The following SYCP2 variants were observed in gnomAD, a reference collection of about 807,000 sequenced individuals.
SYCP2 encodes the protein synaptonemal complex protein 2.
SYCP2 carries 55 observed loss-of-function variants against 211.3 expected under a neutral mutation model. The ratio of observed to expected loss-of-function variants is 0.26; its 90% CI spans 0.21 to 0.33. The LOEUF is 0.33. SYCP2 is among the 10% of genes least tolerant of loss of function. SYCP2 has a pLI of 1.00. For synonymous variants in SYCP2, 570 were observed against 555.2 expected (o/e 1.03, Z -0.37); for missense variants, 1,731 against 1,752.0 (o/e 0.99, Z 0.21).
intron 15 of SYCP2, among the ~76,000 whole-genome samples, chr20:59,906,426 A>G (rs1000994510): frequency 1.3e-5 from 2 of 152,136 alleles, no homozygotes; most frequent in African/African-American, 4.8e-5. Flanking sequence ...TTTTCAACAA[A>G]GAAACCAAAG....
At chr20:59,908,259 GAAC>G (rs2060249045) in intron 14 of SYCP2, among the ~76,000 whole-genome samples, 1 of 151,774 alleles carries the variant, frequency 6.6e-6, no homozygotes, top group Admixed American at 6.6e-5. Flanking sequence ...AAACAAAACA[GAAC>G]AAAACACAAA....
At chr20:59,906,001 T>A (rs1382716584) in intron 15 of SYCP2, among the ~76,000 whole-genome samples, 1 of 152,068 alleles carries the variant, frequency 6.6e-6, no homozygotes, top group Admixed American at 6.6e-5. Context: ...TATAAACATA[T>A]AGACTGAATA....
intron 2 of SYCP2, among the ~76,000 whole-genome samples, chr20:59,928,026 G>C (rs954863542): frequency 6.6e-6 from 1 of 152,188 alleles, no homozygotes; most frequent in Non-Finnish European, 1.5e-5. Flanking sequence ...GCCTTGGGCA[G>C]TAAGTTTGCT....
In SYCP2 at chr20:59,920,599, G is replaced by C. The variant is rs2060523204; in HGVS notation, c.169-112C>G. On this transcript the variant is annotated intron_variant, in intron 4 of 44. Transcript: ENST00000357552. ...TAATCTTCACAAATCCTGAAAGATG[G>C]TCATTTTAATCATCTCTATATTGCA... 4 of 900,370 alleles carry C rather than the reference G, an allele frequency of 4.4e-6. No individual in the cohort carries two copies. In the South Asian group the frequency reaches 7.0e-5, roughly 16 times the overall value. 55.8% of individuals were successfully genotyped at this position (900,370 alleles called of 1,614,324 possible). A position where few individuals can be genotyped will look rare whatever the true frequency, so the allele number is the denominator to read the frequency against.
At chr20:59,912,947 C>T (rs1186986034) in intron 12 of SYCP2, among the ~76,000 whole-genome samples, 2 of 152,202 alleles carry the variant, frequency 1.3e-5, no homozygotes, top group African/African-American at 4.8e-5. Flanking sequence ...GATAGTGAGG[C>T]TTCCCCAGCC....
intron 36 of SYCP2, among the ~76,000 whole-genome samples, chr20:59,869,286 T>A (rs1034248832): frequency 1.1e-4 from 17 of 151,974 alleles, no homozygotes; most frequent in Admixed American, 1.1e-3. Context: ...TTATACTATT[T>A]GAATATACAG....
chr20:59,893,074 A>G (rs1716959724), intron 22 of SYCP2, 68 bp downstream of exon 22: 8 of 1,104,350 alleles, frequency 7.2e-6, no homozygotes. Flanking sequence ...TTTTCCTCCA[A>G]ATCTGTTACA....
Position 59,877,434 on chromosome 20 carries a change from T to A in SYCP2, c.3101A>T (p.Glu1034Val), listed in dbSNP as rs1458997388. The A allele has an allele frequency of 1.9e-6, 3 of 1,601,800 alleles. No homozygotes were observed. The highest frequency in any genetic ancestry group is 2.5e-6 in the Non-Finnish European group (3 of 1,176,906). ...NYKDLSNSES[E>V]CEQEFSHSFK... ...TGAATGTGAAAATTCTTGTTCACAC[T>A]CTGATTCTGAATTTGAGAGATCTTT... The change falls in exon 33 of 45, where the codon GAG becomes GTG. Residue 1034 changes from glutamate (E) to valine (V), a missense_variant. Transcript: ENST00000357552.
chr20:59,884,899 A>C (rs2145694210), intron 26 of SYCP2, among the ~76,000 whole-genome samples: 1 of 151,992 alleles, frequency 6.6e-6, no homozygotes, highest in South Asian at 2.1e-4. Context: ...ATAAAAATTT[A>C]AAAGGTACCA....
intron 26 of SYCP2, chr20:59,885,091 G>A (rs2059760650): frequency 6.6e-6 from 1 of 151,902 alleles, no homozygotes; most frequent in African/African-American, 2.4e-5. Context: ...AGAATACTTA[G>A]GAAAGACTTA....
chr20:59,865,779 TTA>T (rs777564694), intron 42 of SYCP2, 26 bp downstream of exon 42: 2 of 1,246,986 alleles, frequency 1.6e-6, no homozygotes, highest in South Asian at 2.1e-5. Context: ...ATTTTATAGA[TTA>T]TAGCCATTAA....
intron 7 of SYCP2, among the ~76,000 whole-genome samples, chr20:59,918,463 T>C (rs952623458): frequency 1.3e-5 from 2 of 152,202 alleles, no homozygotes; most frequent in Non-Finnish European, 2.9e-5. Context: ...AGCAGTGTTT[T>C]TGGGCTTTGT....
Position 59,869,895 on chromosome 20 carries a change from T to C in SYCP2, c.3644A>G (p.Asn1215Ser), listed in dbSNP as rs546673434. The C allele has an allele frequency of 1.7e-5, 27 of 1,606,500 alleles. No homozygotes were observed. The East Asian group carries it at 3.8e-4, about 23-fold the overall frequency. ...LVLTQETQNS[N>S]SYSDVSSYSS... ...ATAACTGCTTACATCTGAATAGCTG[T>C]TACTGTTTTGTGTTTCTTGTGTAAG... Residue 1215 changes from asparagine (N) to serine (S), a missense_variant, in exon 36 of 45, where the codon AAC becomes AGC. Coordinates refer to ENST00000357552, the MANE Select transcript of SYCP2 (RefSeq NM_014258.4).
At position 59,883,459 on chromosome 20, in the gene SYCP2, A is replaced by G. The variant is rs897948400; in HGVS notation, c.2530-1294T>C. On this transcript the variant is annotated intron_variant, in intron 26 of 44. Transcript: ENST00000357552. ...CAAAGTAAGTATTCACTGACATATG[A>G]ATGGATAAAGAAATTGTGGTGCGTG... is the stretch of plus-strand genomic sequence containing the variant. Among the ~76,000 whole-genome samples, 4 of 152,288 alleles carry G rather than the reference A, an allele frequency of 2.6e-5. No individual in the cohort carries two copies. The East Asian group carries it at 7.7e-4, about 29-fold the overall frequency.
intron 2 of SYCP2, among the ~76,000 whole-genome samples, chr20:59,925,569 G>A (rs2060619241): frequency 6.6e-6 from 1 of 152,174 alleles, no homozygotes; most frequent in East Asian, 1.9e-4. Context: ...AACATGAACT[G>A]AATAAAAGGG....
intron 24 of SYCP2, among the ~76,000 whole-genome samples, chr20:59,890,310 A>C (rs573526419): frequency 2.6e-5 from 4 of 152,244 alleles, no homozygotes; most frequent in African/African-American, 7.2e-5. Flanking sequence ...AGAAAATCAA[A>C]CACCACATGT....
At chr20:59,900,351 G>A (rs2060093064) in intron 17 of SYCP2, 67 bp from the exon 18 acceptor site, 3 of 1,362,126 alleles carry the variant, frequency 2.2e-6, no homozygotes, top group Admixed American at 2.5e-5. Flanking sequence ...AACAATCACT[G>A]GATGTCTTAA....
intron 15 of SYCP2, among the ~76,000 whole-genome samples, chr20:59,905,610 G>A (rs1215556700): frequency 6.6e-6 from 1 of 152,094 alleles, no homozygotes; most frequent in Non-Finnish European, 1.5e-5. Flanking sequence ...GTACAAGGAT[G>A]GATAGATTAA....
In SYCP2 at chr20:59,919,197, ATAATATT is replaced by A. The variant is rs1176592261; in HGVS notation, c.403-22_403-16del. 8.5e-7 allele frequency: 1 copy of A among 1,181,892 alleles called. No homozygotes were observed. The highest frequency in any genetic ancestry group is 1.5e-5 in the African/African-American group (1 of 64,666). 73.2% of individuals were successfully genotyped at this position (1,181,892 alleles called of 1,614,324 possible). ...TCATGTATGACCTGAAAAAAAGTGA[ATAATATT>A]TAATTTACAAGTTACTATATATTAC... is the stretch of plus-strand genomic sequence containing the variant. On this transcript the variant is annotated splice_polypyrimidine_tract_variant and intron_variant, in intron 6 of 44. Coordinates refer to ENST00000357552, the MANE Select transcript of SYCP2 (RefSeq NM_014258.4).
Sources: allele counts gnomAD v4.1 joint callset (sites outside exome capture counted in the v4.1 genomes callset), GRCh38; gene constraint gnomAD v4.1.1; transcripts MANE v1.5; gene names NCBI Gene and HGNC (gene_info 2026-07-23, HGNC 2026-07-21).